Variants in KCNJ16 observed in about 807,000 individuals in gnomAD.
The protein encoded by KCNJ16 is inward rectifier potassium channel 16.
Under a neutral mutation model 18.5 loss-of-function variants are expected in KCNJ16, and 15 were observed. The ratio of observed to expected loss-of-function variants is 0.81; its 90% CI spans 0.54 to 1.25. The LOEUF (loss-of-function observed/expected upper bound fraction) is 1.25, where lower values mean the gene tolerates loss of function less well. KCNJ16 is among the 50% of genes most tolerant of loss of function. KCNJ16 has a pLI of 0.00. For synonymous variants in KCNJ16, 174 were observed against 186.5 expected, an observed-to-expected ratio of 0.93 and a Z score of 0.55; for missense variants, 523 against 525.7, an observed-to-expected ratio of 0.99 and a Z score of 0.05.
chr17:70,093,461 T>C (rs925891376), intron 1 of KCNJ16, among the ~76,000 whole-genome samples: 1 of 152,198 alleles, frequency 6.6e-6, no homozygotes, highest in East Asian at 1.9e-4. Context: ...ACACCAGTCG[T>C]ATTGGATCCG....
At chr17:70,082,101 C>T (rs1204532437) in intron 1 of KCNJ16, among the ~76,000 whole-genome samples, 1 of 152,128 alleles carries the variant, frequency 6.6e-6, no homozygotes, top group East Asian at 1.9e-4. Flanking sequence ...AGCTCCCTGA[C>T]ATTGGGAAAG....
chr17:70,103,321 TACACACAC>T (rs1321986647), intron 2 of KCNJ16, among the ~76,000 whole-genome samples: 2 of 44,486 alleles, frequency 4.5e-5, no homozygotes, highest in African/African-American at 6.9e-5. Context: ...TATATATATA[TACACACAC>T]ATATATATAT....
chr17:70,092,865 C>A (rs2143732180), intron 1 of KCNJ16, among the ~76,000 whole-genome samples: 1 of 152,298 alleles, frequency 6.6e-6, no homozygotes, highest in East Asian at 1.9e-4. Context: ...CCTTCCTCCA[C>A]CATTTTGTTC....
chr17:70,092,521 G>C (rs867297685), intron 1 of KCNJ16, among the ~76,000 whole-genome samples: 1 of 98,890 alleles, frequency 1.0e-5, no homozygotes, highest in African/African-American at 4.2e-5. Context: ...TAGATAGATA[G>C]ATACATAGAC....
At chr17:70,122,176 C>CTT (rs34898848) in intron 2 of KCNJ16, among the ~76,000 whole-genome samples, 28 of 144,558 alleles carry the variant, frequency 1.9e-4, no homozygotes, top group African/African-American at 6.3e-4. Context: ...ATATCGGATA[C>CTT]TTTTTTTTTT....
intron 2 of KCNJ16, chr17:70,101,840 A>G (rs1713424444): frequency 6.6e-6 from 1 of 152,220 alleles, no homozygotes; most frequent in African/African-American, 2.4e-5. Flanking sequence ...TTCTTAGTGA[A>G]CAAGTAATTT....
rs1025504774 is a variant in KCNJ16 at position 70,134,237 on chromosome 17, C to T, written c.*893C>T. 6.2e-6 allele frequency: 1 copy of T among 162,428 alleles called. No individual in the cohort carries two copies. The highest frequency in any genetic ancestry group is 6.8e-5 in the Admixed American group (1 of 14,712). 10.1% of individuals were successfully genotyped at this position (162,428 alleles called of 1,614,324 possible). On this transcript the variant is annotated 3_prime_UTR_variant, in exon 4 of 4. Coordinates refer to ENST00000392671, the MANE Select transcript of KCNJ16 (RefSeq NM_170741.4). ...CATTCTCAGACCCTTGGAGAGAAACCGTTGCTAGCTTGCTGGTCCCGAAAG... is the reference window on the plus strand; with the variant it reads ...CATTCTCAGACCCTTGGAGAGAAACTGTTGCTAGCTTGCTGGTCCCGAAAG...
chr17:70,111,212 G>GT (rs2073171466), intron 2 of KCNJ16, among the ~76,000 whole-genome samples: 1 of 152,070 alleles, frequency 6.6e-6, no homozygotes. Context: ...TGCAATGCTA[G>GT]TTTTTTTGCT....
rs2073381702 is a variant in KCNJ16, at chr17:70,115,876, C to T, written c.-190-15003C>T. Among the ~76,000 whole-genome samples, 3 of 152,192 alleles carry T rather than the reference C, an allele frequency of 2.0e-5. No homozygotes were observed. In the South Asian group the frequency reaches 6.2e-4, roughly 32 times the overall value. On this transcript the variant is annotated intron_variant, in intron 2 of 3. Coordinates refer to ENST00000392671, the MANE Select transcript of KCNJ16 (RefSeq NM_170741.4). ...CAAAAATTACAGCATCGATGGCTGA[C>T]TTTAAATGTCTGTACGACTGTCTGC...
At chr17:70,128,125 AATGGATGAG>A (rs2073920352) in intron 2 of KCNJ16, 1 of 152,318 alleles carries the variant, frequency 6.6e-6, no homozygotes, top group South Asian at 2.1e-4. Flanking sequence ...ATTGCTTCAA[AATGGATGAG>A]TCTGATTGAG....
At chr17:70,093,271 A>G (rs2072206568) in intron 1 of KCNJ16, among the ~76,000 whole-genome samples, 1 of 152,228 alleles carries the variant, frequency 6.6e-6, no homozygotes, top group African/African-American at 2.4e-5. Context: ...AGAGGCTAGA[A>G]GTCTGAGCCA....
At position 70,091,836 on chromosome 17, in the gene KCNJ16, T is replaced by C. The variant is rs573805621; in HGVS notation, c.-299-8822T>C. 2.0e-5 allele frequency among the ~76,000 whole-genome samples: 3 copies of C among 152,268 alleles called. No homozygotes were observed. The South Asian group carries it at 6.2e-4, about 32-fold the overall frequency. On this transcript the variant is annotated intron_variant, in intron 1 of 3. Transcript: ENST00000392671. Reference sequence around the variant, plus strand: ...TCTCCCTTACTTATTTCCAGGGCAATATTTACATTTAATCGGGGAGTGTGG... The same window carrying C: ...TCTCCCTTACTTATTTCCAGGGCAACATTTACATTTAATCGGGGAGTGTGG...
intron 1 of KCNJ16, among the ~76,000 whole-genome samples, chr17:70,091,636 T>C (rs372551781): frequency 9.2e-5 from 14 of 152,148 alleles, no homozygotes; most frequent in African/African-American, 3.1e-4. Flanking sequence ...TCCTCTGATG[T>C]TTCCATGGCA....
intron 1 of KCNJ16, among the ~76,000 whole-genome samples, chr17:70,078,277 G>A (rs1317364166): frequency 6.6e-6 from 1 of 152,112 alleles, no homozygotes; most frequent in Non-Finnish European, 1.5e-5. Context: ...CTGCTGACAG[G>A]TGTATAAGAA....
In KCNJ16 at chr17:70,132,275, C is replaced by G. The variant is rs1406334184; in HGVS notation, c.188C>G (p.Thr63Ser). Reference sequence around the variant, plus strand: ...GGAAGCTATGTGGTTGACATCTTCACCACTCTTGTGGACACCAAGTGGCGC... The same window carrying G: ...GGAAGCTATGTGGTTGACATCTTCAGCACTCTTGTGGACACCAAGTGGCGC... ...EWGSYVVDIF[T>S]TLVDTKWRHM... The change falls in exon 4 of 4, where the codon ACC becomes AGC. Residue 63 changes from threonine (T) to serine (S), a missense_variant. By Grantham distance (58) the Thr-to-Ser change is moderately conservative. Transcript: ENST00000392671. 6.2e-7 allele frequency: 1 copy of G among 1,614,082 alleles called. No homozygotes were observed. Among genetic ancestry groups the G allele is most frequent in the East Asian group, 2.2e-5 (1 of 44,900 alleles).
chr17:70,121,699 G>A (rs777885900), intron 2 of KCNJ16, among the ~76,000 whole-genome samples: 5 of 152,102 alleles, frequency 3.3e-5, no homozygotes, highest in Non-Finnish European at 7.4e-5. Context: ...GGAGGCTGAG[G>A]CCAGCAGATC....
In KCNJ16 at chr17:70,132,205, G is replaced by T. The variant is rs1044244559; in HGVS notation, c.118G>T (p.Asp40Tyr). The change falls in exon 4 of 4, where the codon GAT becomes TAT. Residue 40 changes from aspartate (D) to tyrosine (Y), a missense_variant. Asp to Tyr is a radical substitution (Grantham distance 160). Transcript: ENST00000392671. ...AGCAAGAAGACGATTACTTCACAAAGATGGCAGCTGTAATGTCTACTTCAA... is the reference window on the plus strand; with the variant it reads ...AGCAAGAAGACGATTACTTCACAAATATGGCAGCTGTAATGTCTACTTCAA... ...RRARRRLLHK[D>Y]GSCNVYFKHI... 1.9e-6 allele frequency: 3 copies of T among 1,614,226 alleles called. No individual in the cohort carries two copies. Among genetic ancestry groups the T allele is most frequent in the Middle Eastern group, 1.6e-4 (1 of 6,062 alleles).
chr17:70,113,666 G>A (rs1226491019), intron 2 of KCNJ16, among the ~76,000 whole-genome samples: 1 of 152,180 alleles, frequency 6.6e-6, no homozygotes, highest in East Asian at 1.9e-4. Context: ...AGAAATACTG[G>A]GAAAGTATCA....
Position 70,100,781 on chromosome 17 carries a change from C to G in KCNJ16, c.-191+15C>G, listed in dbSNP as rs1267887022. 6.6e-6 allele frequency: 1 copy of G among 152,132 alleles called. No individual in the cohort carries two copies. Among genetic ancestry groups the G allele is most frequent in the South Asian group, 2.1e-4 (1 of 4,828 alleles). 9.4% of individuals were successfully genotyped at this position (152,132 alleles called of 1,614,324 possible). A position where few individuals can be genotyped will look rare whatever the true frequency, so the allele number is the denominator to read the frequency against. The stretch of plus-strand genomic sequence containing the variant: ...TCACTTTAAAGGTAAGAAATTAAAC[C>G]AATTTTAACATGATTCTCCGAAAAA... On this transcript the variant is annotated intron_variant, in intron 2 of 3. Transcript: ENST00000392671.
Sources: gnomAD v4.1 joint callset for allele counts (sites outside exome capture counted in the v4.1 genomes callset) on GRCh38, gnomAD v4.1.1 for gene constraint, MANE v1.5 for transcripts, NCBI Gene and HGNC (gene_info 2026-07-23, HGNC 2026-07-21) for gene names.